Variants in CTNNA2 observed in about 807,000 individuals in gnomAD.
The protein encoded by CTNNA2 is catenin alpha-2.
Under a neutral mutation model 101.0 loss-of-function variants are expected in CTNNA2, and 42 were observed. The observed-to-expected ratio is 0.42, with a 90% CI of 0.32 to 0.54. The LOEUF (loss-of-function observed/expected upper bound fraction) is 0.54. Among genes scored for constraint, CTNNA2 ranks in the 20% least tolerant of loss-of-function variants. The probability of loss-of-function intolerance (pLI) is 0.14; values close to 1 mark genes in which losing one functional copy is unlikely to be tolerated. For missense variants in CTNNA2, 871 were observed against 1,223.1 expected (o/e 0.71, Z 4.29); for synonymous variants, 450 against 456.4 (o/e 0.99, Z 0.18).
intron 7 of CTNNA2, among the ~76,000 whole-genome samples, chr2:80,058,070 G>A (rs1451955867): frequency 1.3e-5 from 2 of 152,158 alleles, no homozygotes; most frequent in Non-Finnish European, 2.9e-5. Flanking sequence ...TATAGTGAGT[G>A]GCCTCCAGAA....
At chr2:79,424,193 G>A (rs1374828824) in intron 4 of CTNNA2, among the ~76,000 whole-genome samples, 2 of 152,036 alleles carry the variant, frequency 1.3e-5, no homozygotes, top group African/African-American at 2.4e-5. Flanking sequence ...TTCCTGCTTA[G>A]GCATGTCATT....
At chr2:80,403,514 G>A (rs1339600662) in intron 8 of CTNNA2, among the ~76,000 whole-genome samples, 1 of 152,144 alleles carries the variant, frequency 6.6e-6, no homozygotes, top group East Asian at 1.9e-4. Flanking sequence ...ATGGCATTCC[G>A]AAGTACTTTA....
intron 15 of CTNNA2, among the ~76,000 whole-genome samples, chr2:80,594,945 C>G (rs895050530): frequency 6.6e-6 from 1 of 151,940 alleles, no homozygotes; most frequent in Non-Finnish European, 1.5e-5. Flanking sequence ...ATTGTGAGGT[C>G]TCCAATTTTT....
intron 7 of CTNNA2, among the ~76,000 whole-genome samples, chr2:80,170,414 C>T (rs1318742097): frequency 6.6e-6 from 1 of 152,194 alleles, no homozygotes; most frequent in Admixed American, 6.5e-5. Context: ...AGGTTTTCTA[C>T]AGTGAGACCA....
intron 7 of CTNNA2, among the ~76,000 whole-genome samples, chr2:80,041,741 G>A (rs1172409566): frequency 1.3e-5 from 2 of 152,118 alleles, no homozygotes; most frequent in Admixed American, 6.5e-5. Flanking sequence ...CTCAAAGCAC[G>A]ATTTTCATCT....
At position 80,488,188 on chromosome 2, in the gene CTNNA2, T is replaced by C. The variant is rs143425723; in HGVS notation, c.1291-56794T>C. 2.7e-3 allele frequency among the ~76,000 whole-genome samples: 412 copies of C among 152,366 alleles called. 1 individual carries two copies. Among genetic ancestry groups the C allele is most frequent in the Non-Finnish European group, 4.2e-3 (285 of 68,030 alleles). Reference sequence around the variant, plus strand: ...GTTAAAAAAATGAGCCAACAGAAGATGGTTTTACCTCCTATGGATACAGCG... The same window carrying C: ...GTTAAAAAAATGAGCCAACAGAAGACGGTTTTACCTCCTATGGATACAGCG... On this transcript the variant is annotated intron_variant, in intron 9 of 18. Coordinates refer to ENST00000402739, the MANE Select transcript of CTNNA2 (RefSeq NM_001282597.3).
At chr2:79,508,980 T>A (rs1481405498), upstream of CTNNA2, among the ~76,000 whole-genome samples, 1 of 38,136 alleles carries the variant, frequency 2.6e-5, no homozygotes, top group Admixed American at 2.2e-4. Context: ...TATATATATA[T>A]ATATATATAT....
chr2:80,266,625 G>A lies in CTNNA2; in HGVS notation c.1057-126586G>A, dbSNP rs534718716. On this transcript the variant is annotated intron_variant, in intron 7 of 18. Transcript: ENST00000402739. Reference sequence around the variant, plus strand: ...ACAGCAAGCTCCTCCTTGTTTAACCGGTATGGATAAAGAGTAATTGATGTG... The same window carrying A: ...ACAGCAAGCTCCTCCTTGTTTAACCAGTATGGATAAAGAGTAATTGATGTG... Among the ~76,000 whole-genome samples, 48 of 152,308 alleles carry A rather than the reference G, an allele frequency of 3.2e-4. 1 individual carries two copies. The highest frequency in any genetic ancestry group is 2.8e-3 in the Admixed American group (43 of 15,300).
chr2:80,363,571 A>G (rs1371836989), intron 7 of CTNNA2, among the ~76,000 whole-genome samples: 1 of 152,122 alleles, frequency 6.6e-6, no homozygotes, highest in Non-Finnish European at 1.5e-5. Context: ...ATTATTAAAC[A>G]AGATGTCGAA....
chr2:80,530,698 T>C (rs1690461837), intron 9 of CTNNA2, among the ~76,000 whole-genome samples: 1 of 152,164 alleles, frequency 6.6e-6, no homozygotes, highest in Admixed American at 6.5e-5. Flanking sequence ...GGTGCTGCAA[T>C]ACTTGGATGG....
intron 3 of CTNNA2, among the ~76,000 whole-genome samples, chr2:79,852,548 C>A (rs1220683140): frequency 1.3e-5 from 2 of 152,184 alleles, no homozygotes; most frequent in African/African-American, 4.8e-5. Context: ...CTTGCCATTG[C>A]TGAAAGAGTG....
chr2:79,915,032 C>T (rs551964562), intron 7 of CTNNA2, among the ~76,000 whole-genome samples: 12 of 151,756 alleles, frequency 7.9e-5, no homozygotes, highest in South Asian at 2.1e-4. Context: ...ATTTCCAGCC[C>T]GGTTTTATGG....
intron 7 of CTNNA2, among the ~76,000 whole-genome samples, chr2:79,911,811 T>C (rs1418517823): frequency 6.6e-6 from 1 of 152,212 alleles, no homozygotes; most frequent in Non-Finnish European, 1.5e-5. Context: ...TAACATTTAG[T>C]TGGACTTCAC....
Position 80,162,476 on chromosome 2 carries a change from T to C in CTNNA2, c.1057-230735T>C, listed in dbSNP as rs1404960732. The C allele has an allele frequency of 1.3e-5, 20 of 1,599,490 alleles. No homozygotes were observed. The Admixed American group carries it at 3.4e-4, about 27-fold the overall frequency. ...GTGTCGAGATGAGCGCCATTTTCCATCTCTGCTACTGTCTCTTCTGTTATC... is the reference window on the plus strand; with the variant it reads ...GTGTCGAGATGAGCGCCATTTTCCACCTCTGCTACTGTCTCTTCTGTTATC... On this transcript the variant is annotated intron_variant, in intron 7 of 18. Coordinates refer to ENST00000402739, the MANE Select transcript of CTNNA2 (RefSeq NM_001282597.3).
At position 79,757,533 on chromosome 2, in the gene CTNNA2, A is replaced by G. The variant is rs370527738; in HGVS notation, c.298+12951A>G. ...CAGAAAACATTTAAAGAGGCATGCA[A>G]GGATATACAAAATACAGAAAGAGAA... is the stretch of plus-strand genomic sequence containing the variant. On this transcript the variant is annotated intron_variant, in intron 3 of 18. Transcript: ENST00000402739. Among the ~76,000 whole-genome samples, 77 of 152,360 alleles carry G rather than the reference A, an allele frequency of 5.1e-4. 1 individual carries two copies. The East Asian group carries it at 8.1e-3, about 16-fold the overall frequency.
At chr2:79,734,797 G>A (rs917140945) in intron 2 of CTNNA2, among the ~76,000 whole-genome samples, 3 of 152,066 alleles carry the variant, frequency 2.0e-5, no homozygotes, top group Non-Finnish European at 4.4e-5. Context: ...TTATTATGCA[G>A]CTTAAAATCA....
intron 18 of CTNNA2, among the ~76,000 whole-genome samples, chr2:80,625,026 T>A (rs1412434787): frequency 6.6e-6 from 1 of 151,934 alleles, no homozygotes; most frequent in Non-Finnish European, 1.5e-5. Flanking sequence ...AGGCCTATTC[T>A]TTTACCTAAA....
At chr2:80,565,188 T>TAAAA (rs926525916) in intron 12 of CTNNA2, among the ~76,000 whole-genome samples, 1 of 152,134 alleles carries the variant, frequency 6.6e-6, no homozygotes, top group South Asian at 2.1e-4. Context: ...TTCTGGAAGT[T>TAAAA]ACTACTTTGT....
chr2:80,018,169 G>C (rs1417884794), intron 7 of CTNNA2, among the ~76,000 whole-genome samples: 1 of 152,142 alleles, frequency 6.6e-6, no homozygotes, highest in Non-Finnish European at 1.5e-5. Flanking sequence ...AGCTCTGTTA[G>C]CTTCTATTCA....
Sources: gnomAD v4.1 joint callset for allele counts (sites outside exome capture counted in the v4.1 genomes callset) on GRCh38, gnomAD v4.1.1 for gene constraint, MANE v1.5 for transcripts, NCBI Gene and HGNC (gene_info 2026-07-23, HGNC 2026-07-21) for gene names.